Variants in PTP4A1 observed in about 807,000 individuals in gnomAD.
PTP4A1 encodes the protein protein tyrosine phosphatase type IVA 1.
Under a neutral mutation model 20.5 loss-of-function variants are expected in PTP4A1, and 9 were observed. The observed-to-expected ratio is 0.44, with a 90% CI of 0.26 to 0.77. The LOEUF (loss-of-function observed/expected upper bound fraction) is 0.77, where lower values mean the gene tolerates loss of function less well. Among genes scored for constraint, PTP4A1 ranks in the 30% least tolerant of loss-of-function variants. The pLI is 0.19. For synonymous variants in PTP4A1, 78 were observed against 67.4 expected (o/e 1.16, Z -0.77); for missense variants, 137 against 218.8 (o/e 0.63, Z 2.36).
chr6:63,544,813 G>A (rs1776117248), intron 2 of PTP4A1, among the ~76,000 whole-genome samples: 1 of 152,144 alleles, frequency 6.6e-6, no homozygotes. Flanking sequence ...AATGCTTGAT[G>A]TTAATTTCTC....
rs1052150297 is a variant in PTP4A1, at chr6:63,582,050, G to A, written c.*1876G>A. 4 of 152,102 alleles carry A rather than the reference G, an allele frequency of 2.6e-5. No homozygotes were observed. Among genetic ancestry groups the A allele is most frequent in the African/African-American group, 9.7e-5 (4 of 41,426 alleles). 9.4% of individuals were successfully genotyped at this position (152,102 alleles called of 1,614,324 possible). A position where few individuals can be genotyped will look rare whatever the true frequency, so the allele number is the denominator to read the frequency against. On this transcript the variant is annotated 3_prime_UTR_variant, in exon 6 of 6. Transcript: ENST00000626021. ...AATTTAGTTCCACCTCTTCATACCA[G>A]TTTAACACTTAATATATTTCATTGG...
At chr6:63,547,898 A>C (rs570004421) in intron 2 of PTP4A1, among the ~76,000 whole-genome samples, 12 of 152,228 alleles carry the variant, frequency 7.9e-5, no homozygotes, top group African/African-American at 2.4e-4. Flanking sequence ...TTATTTAAAA[A>C]CCACAAATTT....
chr6:63,559,903 A>G (rs1776861141), intron 3 of PTP4A1, among the ~76,000 whole-genome samples: 1 of 152,140 alleles, frequency 6.6e-6, no homozygotes, highest in African/African-American at 2.4e-5. Context: ...TTGGAATTAC[A>G]GGGGTGATCC....
At chr6:63,549,948 G>A (rs1776363309) in intron 2 of PTP4A1, among the ~76,000 whole-genome samples, 1 of 152,072 alleles carries the variant, frequency 6.6e-6, no homozygotes, top group Admixed American at 6.6e-5. Context: ...ATTGCTAGAA[G>A]GAGGATATTG....
intron 2 of PTP4A1, among the ~76,000 whole-genome samples, chr6:63,546,255 G>A (rs1159911416): frequency 2.6e-5 from 4 of 152,160 alleles, no homozygotes; most frequent in African/African-American, 7.2e-5. Context: ...GCACCTGGAG[G>A]ACATTTTGCT....
chr6:63,564,368 A>G (rs1207937701), intron 3 of PTP4A1, among the ~76,000 whole-genome samples: 1 of 152,228 alleles, frequency 6.6e-6, no homozygotes, highest in African/African-American at 2.4e-5. Flanking sequence ...AACTATAGAA[A>G]TACACGAAGA....
chr6:63,552,856 A>G (rs970979337), intron 3 of PTP4A1, among the ~76,000 whole-genome samples: 17 of 152,080 alleles, frequency 1.1e-4, no homozygotes, highest in African/African-American at 3.9e-4. Flanking sequence ...GATGTGTGGT[A>G]TTATTTCTGA....
In PTP4A1 at chr6:63,529,165, A is replaced by ATATATATATATATGTATATATATGTGTG. The variant is rs1562112427; in HGVS notation, c.-640+1092_-640+1093insATGTATATATATGTGTGTATATATATAT. On this transcript the variant is annotated intron_variant, in intron 2 of 3. Coordinates refer to the PTP4A1 transcript ENST00000639568. Reference sequence around the variant, plus strand: ...TATATATATGTATATATATGTGTGTATATATATATATGTATATATATGTGT... The same window carrying ATATATATATATATGTATATATATGTGTG: ...TATATATATGTATATATATGTGTGTATATATATATATATGTATATATATGTGTGTATATATATATGTATATATATGTGT... Among the ~76,000 whole-genome samples the ATATATATATATATGTATATATATGTGTG allele has an allele frequency of 9.2e-4, 40 of 43,506 alleles. 1 individual carries two copies. The highest frequency in any genetic ancestry group is 2.7e-3 in the African/African-American group (24 of 9,024). 28.5% of individuals were successfully genotyped at this position (43,506 alleles called of 152,430 possible). A position where few individuals can be genotyped will look rare whatever the true frequency, so the allele number is the denominator to read the frequency against.
chr6:63,545,578 T>G (rs1776147819), intron 2 of PTP4A1, among the ~76,000 whole-genome samples: 1 of 151,506 alleles, frequency 6.6e-6, no homozygotes. Flanking sequence ...GCCATTGCAC[T>G]CCAGCCTGGG....
chr6:63,563,107 ACAAGGCAGGAAATCTCAAGTG>A, intron 3 of PTP4A1, among the ~76,000 whole-genome samples: 1 of 152,194 alleles, frequency 6.6e-6, no homozygotes, highest in South Asian at 2.1e-4. Flanking sequence ...CTTCCATTTG[ACAAGGCAGGAAATCTCAAGTG>A]TTTCACCCTG....
At chr6:63,578,836 A>T (rs1222158927) in intron 3 of PTP4A1, 62 bp from the exon 4 acceptor site, 8 of 1,361,486 alleles carry the variant, frequency 5.9e-6, no homozygotes, top group Non-Finnish European at 7.8e-6. Flanking sequence ...TTAGAAATTT[A>T]GAATTATTAC....
At chr6:63,540,871 C>T (rs1775935648) in intron 2 of PTP4A1, among the ~76,000 whole-genome samples, 1 of 150,222 alleles carries the variant, frequency 6.7e-6, no homozygotes, top group East Asian at 2.0e-4. Flanking sequence ...GTCTTGGTGG[C>T]GGTCACCTAT....
rs1778340581 is a variant in PTP4A1 at position 63,583,054 on chromosome 6, A to G, written c.*2880A>G. 6.6e-6 allele frequency: 1 copy of G among 152,184 alleles called. No individual in the cohort carries two copies. Among genetic ancestry groups the G allele is most frequent in the Non-Finnish European group, 1.5e-5 (1 of 68,034 alleles). The allele number at this position is 152,184 out of a possible 1,614,324, so 9.4% of individuals were successfully genotyped here. A position where few individuals can be genotyped will look rare whatever the true frequency, so the allele number is the denominator to read the frequency against. The stretch of plus-strand genomic sequence containing the variant: ...CCAGGCATTTAAGAATATGGCAAAG[A>G]ACATAAAAGATGGTGTCACCAGATT... On this transcript the variant is annotated 3_prime_UTR_variant, in exon 6 of 6. Transcript: ENST00000626021.
chr6:63,574,215 A>G (rs904243022), intron 1 of PTP4A1, among the ~76,000 whole-genome samples: 1 of 152,238 alleles, frequency 6.6e-6, no homozygotes, highest in African/African-American at 2.4e-5. Flanking sequence ...GGAACAGACT[A>G]TACAACGAAT....
intron 2 of PTP4A1, among the ~76,000 whole-genome samples, chr6:63,545,648 T>C (rs1040547438): frequency 6.6e-6 from 1 of 152,074 alleles, no homozygotes; most frequent in African/African-American, 2.4e-5. Flanking sequence ...TTTCCAATCT[T>C]ACCTTGTACT....
At chr6:63,535,988 G>A (rs1204071041) in intron 2 of PTP4A1, among the ~76,000 whole-genome samples, 1 of 151,960 alleles carries the variant, frequency 6.6e-6, no homozygotes, top group Non-Finnish European at 1.5e-5. Flanking sequence ...GGCCAGGGTG[G>A]CCTGGAACTC....
At chr6:63,557,613 A>C (rs1257611615) in intron 3 of PTP4A1, among the ~76,000 whole-genome samples, 4 of 152,174 alleles carry the variant, frequency 2.6e-5, no homozygotes, top group Admixed American at 1.3e-4. Flanking sequence ...GGAAGTAGCA[A>C]GAGAAAATTC....
chr6:63,519,838 AATC>A (rs1268228817), upstream of PTP4A1, among the ~76,000 whole-genome samples: 1 of 152,252 alleles, frequency 6.6e-6, no homozygotes, highest in East Asian at 1.9e-4. Context: ...CCTGAAATTC[AATC>A]ATCAATTTAT....
At chr6:63,555,301 A>G (rs1776631438) in intron 3 of PTP4A1, among the ~76,000 whole-genome samples, 1 of 152,198 alleles carries the variant, frequency 6.6e-6, no homozygotes, top group Non-Finnish European at 1.5e-5. Context: ...AGAATGAAAC[A>G]AGGAACTTCG....
Sources: gnomAD v4.1 joint callset for allele counts (sites outside exome capture counted in the v4.1 genomes callset) on GRCh38, gnomAD v4.1.1 for gene constraint, MANE v1.5 for transcripts, NCBI Gene and HGNC (gene_info 2026-07-23, HGNC 2026-07-21) for gene names.